ADGRF3: variants seen among roughly 807,000 people sequenced by gnomAD.
ADGRF3 encodes the protein G protein-coupled receptor 113.
ADGRF3 carries 85 observed loss-of-function variants against 93.2 expected under a neutral mutation model. The ratio of observed to expected loss-of-function variants is 0.91; its 90% CI spans 0.77 to 1.09. The LOEUF (loss-of-function observed/expected upper bound fraction) is 1.09, where lower values mean the gene tolerates loss of function less well. Among genes scored for constraint, ADGRF3 ranks in the 50% least tolerant of loss-of-function variants. The pLI is 0.00. For synonymous variants in ADGRF3, 534 were observed against 532.5 expected (o/e 1.00, Z -0.04); for missense variants, 1,125 against 1,246.2 (o/e 0.90, Z 1.46).
intron 1 of ADGRF3, 60 bp from the exon 2 acceptor site, chr2:26,317,622 C>T (rs1426734260): frequency 8.4e-6 from 12 of 1,430,100 alleles, no homozygotes; most frequent in Non-Finnish European, 1.2e-5. Context: ...CAGGGGCCAG[C>T]CTGACTAGTC....
At chr2:26,341,815 T>C (rs1313626179) in intron 1 of ADGRF3, among the ~76,000 whole-genome samples, 2 of 152,078 alleles carry the variant, frequency 1.3e-5, no homozygotes, top group Non-Finnish European at 2.9e-5. Flanking sequence ...GGCTCACACC[T>C]GTAATCCCAG....
chr2:26,326,260 G>A (rs1462260179), intron 1 of ADGRF3, among the ~76,000 whole-genome samples: 1 of 152,126 alleles, frequency 6.6e-6, no homozygotes, highest in African/African-American at 2.4e-5. Flanking sequence ...TTCAAAAGAC[G>A]GGGCACCCAG....
intron 1 of ADGRF3, among the ~76,000 whole-genome samples, chr2:26,329,996 G>A (rs750458310): frequency 2.6e-5 from 4 of 152,150 alleles, no homozygotes; most frequent in Non-Finnish European, 5.9e-5. Flanking sequence ...TTTTATCCTG[G>A]AAATTTTGAA....
In ADGRF3 at chr2:26,315,653, T is replaced by C; in HGVS notation, c.587A>G (p.Asn196Ser). The change falls in exon 5 of 14, where the codon AAC becomes AGC. Residue 196 changes from asparagine (N) to serine (S), a missense_variant. Physicochemically the swap from Asn to Ser is conservative, Grantham distance 46. Coordinates refer to ENST00000651242, the MANE Select transcript of ADGRF3 (RefSeq NM_001321971.2). ...TGGGTGCCTCAGGAACCAGCTCAGG[T>C]TGGTGGCCTCCTGGCTCAGATGGAG... ...LTLHLSQEAT[N>S]LSWFLRHPGS... 6.4e-7 allele frequency: 1 copy of C among 1,551,500 alleles called. No individual in the cohort carries two copies. The highest frequency in any genetic ancestry group is 8.7e-7 in the Non-Finnish European group (1 of 1,146,942).
In ADGRF3 at chr2:26,311,343, C is replaced by T. The variant is rs947007088; in HGVS notation, c.2181G>A (p.Val727=). The change falls in exon 10 of 14, where the codon GTG becomes GTA. Residue 727 remains valine (V), a synonymous_variant. Transcript: ENST00000651242. ...LLVCLGVYWL[V]WRVVVRNKIS... ...TCTTGTTCCGCACCACGACTCTCCA[C>T]ACCAGCCAGTACACACCCAGGCACA... 1 of 1,614,008 alleles carries T rather than the reference C, an allele frequency of 6.2e-7. No individual in the cohort carries two copies. The highest frequency in any genetic ancestry group is 1.3e-5 in the African/African-American group (1 of 75,042).
chr2:26,319,212 G>A, intron 1 of ADGRF3: 1 of 691,740 alleles, frequency 1.4e-6, no homozygotes, highest in African/African-American at 1.8e-5. Context: ...TGGGAATCCA[G>A]GTCACTGTGG....
At chr2:26,312,125 T>C in intron 9 of ADGRF3, 51 bp from the exon 10 acceptor site, 2 of 1,529,582 alleles carry the variant, frequency 1.3e-6, no homozygotes, top group Non-Finnish European at 1.8e-6. Context: ...CCCACAGGAC[T>C]GAGCCGGGGG....
In ADGRF3 at chr2:26,311,847, G is replaced by A. The variant is rs779785684; in HGVS notation, c.1677C>T (p.Phe559=). Residue 559 remains phenylalanine (F), a synonymous_variant, in exon 10 of 14, where the codon TTC becomes TTT. Coordinates refer to ENST00000651242, the MANE Select transcript of ADGRF3 (RefSeq NM_001321971.2). ...GAGCCTGCAGTGGGGGCCGAGTAGG[G>A]AAGGAGATGCTGTAGTCAGCAGGAA... ...PTFPADYSIS[F]PTRPPLQAQI... is the part of the protein sequence containing the mutation. The A allele has an allele frequency of 2.5e-6, 4 of 1,613,890 alleles. 1 individual carries two copies. In the African/African-American group the frequency reaches 4.0e-5, roughly 16 times the overall value.
At chr2:26,333,581 T>C (rs1362536819) in intron 1 of ADGRF3, among the ~76,000 whole-genome samples, 1 of 151,258 alleles carries the variant, frequency 6.6e-6, no homozygotes, top group Non-Finnish European at 1.5e-5. Context: ...AGAACAAATA[T>C]GTATTTCTTA....
chr2:26,323,138 C>CA (rs112232638), intron 1 of ADGRF3, among the ~76,000 whole-genome samples: 17 of 151,032 alleles, frequency 1.1e-4, no homozygotes, highest in African/African-American at 2.9e-4. Flanking sequence ...GACTCCATCT[C>CA]AAAAAAAAAT....
At chr2:26,319,579 C>CTTCT (rs1291212752) in intron 1 of ADGRF3, among the ~76,000 whole-genome samples, 1 of 61,582 alleles carries the variant, frequency 1.6e-5, no homozygotes, top group Non-Finnish European at 3.4e-5. Flanking sequence ...TCCTTCCTTC[C>CTTCT]TTCCTTCCTT....
intron 1 of ADGRF3, among the ~76,000 whole-genome samples, chr2:26,331,710 A>C (rs1558398247): frequency 6.6e-6 from 1 of 152,216 alleles, no homozygotes; most frequent in South Asian, 2.1e-4. Context: ...GCCTGGGTGC[A>C]GAGTGAGACC....
chr2:26,310,840 T>G lies in ADGRF3; in HGVS notation c.2684A>C (p.Glu895Ala). ...RPSLSEGPPAEKRQALLGVIK... is the reference protein window; with the variant it reads ...RPSLSEGPPAAKRQALLGVIK... ...CACCCCCAGCAGAGCTTGGCGCTTC[T>G]CTGCTGGGGGTCCCTCTGACAGCGA... Residue 895 changes from glutamate to alanine, a missense_variant, in exon 10 of 14, where the codon GAG becomes GCG. Glu to Ala is a moderately radical substitution (Grantham distance 107). Coordinates refer to ENST00000651242, the MANE Select transcript of ADGRF3 (RefSeq NM_001321971.2). 6.2e-7 allele frequency: 1 copy of G among 1,613,308 alleles called. No homozygotes were observed. The highest frequency in any genetic ancestry group is 1.1e-5 in the South Asian group (1 of 91,016).
intron 3 of ADGRF3, 81 bp from the exon 4 acceptor site, chr2:26,316,529 G>T: frequency 7.1e-7 from 1 of 1,412,020 alleles, no homozygotes; most frequent in Non-Finnish European, 9.6e-7. Flanking sequence ...CCTGATGCCT[G>T]AGAGGCTTTA....
intron 4 of ADGRF3, 174 bp from the exon 5 acceptor site, chr2:26,315,914 C>T (rs1025819979): frequency 8.9e-6 from 9 of 1,006,086 alleles, no homozygotes; most frequent in Non-Finnish European, 1.3e-5. Context: ...TGCTGCAATC[C>T]AGCCTGGAAG....
chr2:26,323,618 T>C (rs1675276490), intron 1 of ADGRF3, among the ~76,000 whole-genome samples: 1 of 148,506 alleles, frequency 6.7e-6, no homozygotes, highest in African/African-American at 2.5e-5. Context: ...CATTACTTCT[T>C]CTTCTTCTGT....
At chr2:26,331,989 T>C (rs1675795968) in intron 1 of ADGRF3, among the ~76,000 whole-genome samples, 1 of 152,242 alleles carries the variant, frequency 6.6e-6, no homozygotes, top group Admixed American at 6.5e-5. Flanking sequence ...AGTTAATTTC[T>C]TTTTATAATT....
Position 26,311,333 on chromosome 2 carries a change from C to T in ADGRF3, c.2191G>A (p.Val731Met), listed in dbSNP as rs759143139. 28 of 1,613,836 alleles carry T rather than the reference C, an allele frequency of 1.7e-5. No homozygotes were observed. The highest frequency in any genetic ancestry group is 1.2e-4 in the Admixed American group (7 of 60,000). ...AAATAGGAGATCTTGTTCCGCACCACGACTCTCCACACCAGCCAGTACACA... is the reference window on the plus strand; with the variant it reads ...AAATAGGAGATCTTGTTCCGCACCATGACTCTCCACACCAGCCAGTACACA... The part of the protein sequence containing the change: ...LGVYWLVWRV[V>M]VRNKISYFRH... The change falls in exon 10 of 14, where the codon GTG becomes ATG. Residue 731 changes from valine (V) to methionine (M), a missense_variant. By Grantham distance (21) the Val-to-Met change is conservative. Coordinates refer to ENST00000651242, the MANE Select transcript of ADGRF3 (RefSeq NM_001321971.2).
At chr2:26,338,923 G>A (rs1374630368) in intron 1 of ADGRF3, among the ~76,000 whole-genome samples, 2 of 148,006 alleles carry the variant, frequency 1.4e-5, no homozygotes, top group Admixed American at 6.7e-5. Flanking sequence ...GGATCACAAA[G>A]TCAGGAGATC....
Sources: allele counts gnomAD v4.1 joint callset (sites outside exome capture counted in the v4.1 genomes callset), GRCh38; gene constraint gnomAD v4.1.1; transcripts MANE v1.5; gene names NCBI Gene and HGNC (gene_info 2026-07-23, HGNC 2026-07-21).